The following TIFA variants were observed in gnomAD, a reference collection of about 807,000 sequenced individuals.
TIFA encodes the protein TRAF interacting protein with forkhead associated domain.
For missense variants in TIFA, 186 were observed against 215.2 expected (o/e 0.86, Z 0.85); for synonymous variants, 75 against 79.2 (o/e 0.95, Z 0.28).
intron 1 of TIFA, among the ~76,000 whole-genome samples, chr4:112,282,636 C>T (rs1331991332): frequency 6.6e-6 from 1 of 152,132 alleles, no homozygotes; most frequent in Non-Finnish European, 1.5e-5. Flanking sequence ...AAGCATGTCC[C>T]CACAGAACTC....
Position 112,277,695 on chromosome 4 carries a change from T to TGCCGTATCATTAAAA in TIFA, c.*166_*167insTTTTAATGATACGGC. Reference sequence around the variant, plus strand: ...TCCAGAATACAACAGGTGACTAAGTTAATGACTAACACAATTTACAGACTT... The same window carrying TGCCGTATCATTAAAA: ...TCCAGAATACAACAGGTGACTAAGTTGCCGTATCATTAAAAAATGACTAACACAATTTACAGACTT... On this transcript the variant is annotated 3_prime_UTR_variant, in exon 2 of 2. Coordinates refer to ENST00000361717, the MANE Select transcript of TIFA (RefSeq NM_052864.3). 2.0e-6 allele frequency: 1 copy of TGCCGTATCATTAAAA among 510,814 alleles called. No homozygotes were observed. The highest frequency in any genetic ancestry group is 5.1e-5 in the South Asian group (1 of 19,602). The allele number at this position is 510,814 out of a possible 1,614,324, so 31.6% of individuals were successfully genotyped here.
chr4:112,280,853 A>T (rs1047713634), intron 1 of TIFA, among the ~76,000 whole-genome samples: 2 of 152,218 alleles, frequency 1.3e-5, no homozygotes, highest in African/African-American at 2.4e-5. Context: ...CTACCCAAGC[A>T]GGCCACAGAT....
chr4:112,285,196 C>T (rs1183381237), intron 1 of TIFA, among the ~76,000 whole-genome samples: 13 of 152,050 alleles, frequency 8.5e-5, no homozygotes, highest in Admixed American at 2.6e-4. Flanking sequence ...GGACCAAGGA[C>T]CTCGGCACTC....
rs1258220883 is a variant in TIFA, at chr4:112,285,866, G to A, written c.-245C>T. On this transcript the variant is annotated 5_prime_UTR_variant, in exon 1 of 2. Coordinates refer to ENST00000361717, the MANE Select transcript of TIFA (RefSeq NM_052864.3). ...CGCGCGGCCTGCCTTCCCACTGGCT[G>A]GCAGAGCACGTCCTCTCGCGCCCGG... 2.0e-5 allele frequency: 3 copies of A among 152,298 alleles called. No individual in the cohort carries two copies. Among genetic ancestry groups the A allele is most frequent in the Admixed American group, 6.5e-5 (1 of 15,292 alleles). 9.4% of individuals were successfully genotyped at this position (152,298 alleles called of 1,614,324 possible).
rs562618518 is a variant in TIFA at position 112,275,735 on chromosome 4, A to C, written c.*2127T>G. On this transcript the variant is annotated 3_prime_UTR_variant, in exon 2 of 2. Transcript: ENST00000361717. Reference sequence around the variant, plus strand: ...TTTTTCTGGCCCTAAATATTACTTAACACATTGTTTGGATTCAATAACAAT... The same window carrying C: ...TTTTTCTGGCCCTAAATATTACTTACCACATTGTTTGGATTCAATAACAAT... 5.9e-5 allele frequency: 9 copies of C among 152,338 alleles called. No homozygotes were observed. Among genetic ancestry groups the C allele is most frequent in the African/African-American group, 2.2e-4 (9 of 41,572 alleles). 9.4% of individuals were successfully genotyped at this position (152,338 alleles called of 1,614,324 possible).
In TIFA at chr4:112,277,694, T is replaced by TATCATAAAA; in HGVS notation, c.*167_*168insTTTTATGAT. ...ATCCAGAATACAACAGGTGACTAAGTTAATGACTAACACAATTTACAGACT... is the reference window on the plus strand; with the variant it reads ...ATCCAGAATACAACAGGTGACTAAGTATCATAAAATAATGACTAACACAATTTACAGACT... On this transcript the variant is annotated 3_prime_UTR_variant, in exon 2 of 2. Coordinates refer to ENST00000361717, the MANE Select transcript of TIFA (RefSeq NM_052864.3). 2 of 483,052 alleles carry TATCATAAAA rather than the reference T, an allele frequency of 4.1e-6. No individual in the cohort carries two copies. The highest frequency in any genetic ancestry group is 3.6e-5 in the East Asian group (1 of 27,742). 29.9% of individuals were successfully genotyped at this position (483,052 alleles called of 1,614,324 possible).
chr4:112,282,933 CT>C (rs56725203), intron 1 of TIFA, among the ~76,000 whole-genome samples: 1 of 151,734 alleles, frequency 6.6e-6, no homozygotes, highest in African/African-American at 2.4e-5. Flanking sequence ...TAGGAATTCA[CT>C]TTTTTTTTGT....
chr4:112,280,210 T>C (rs754063988), intron 1 of TIFA, among the ~76,000 whole-genome samples: 3 of 152,138 alleles, frequency 2.0e-5, no homozygotes, highest in Admixed American at 6.5e-5. Flanking sequence ...TTAAGTGAGA[T>C]TGATTTGTAG....
At chr4:112,284,276 C>T (rs1483487932) in intron 1 of TIFA, among the ~76,000 whole-genome samples, 1 of 136,012 alleles carries the variant, frequency 7.4e-6, no homozygotes, top group Non-Finnish European at 1.5e-5. Context: ...CCTCTGCTAC[C>T]CTCCCTGCAA....
chr4:112,285,061 T>G (rs1289989319), intron 1 of TIFA, among the ~76,000 whole-genome samples: 1 of 152,136 alleles, frequency 6.6e-6, no homozygotes, highest in Non-Finnish European at 1.5e-5. Context: ...AGGCTCAGTG[T>G]GGATTTTGGC....
intron 1 of TIFA, among the ~76,000 whole-genome samples, chr4:112,281,274 T>C (rs373245247): frequency 2.0e-5 from 3 of 152,230 alleles, no homozygotes; most frequent in South Asian, 2.1e-4. Flanking sequence ...TGGATCTAAA[T>C]AGTCTTTTGG....
At chr4:112,278,552 A>G (rs1488434835) in intron 1 of TIFA, 118 bp from the exon 2 acceptor site, 18 of 791,064 alleles carry the variant, frequency 2.3e-5, no homozygotes, top group Non-Finnish European at 3.3e-5. Context: ...TTAAGAAAAC[A>G]GTACATAGAC....
chr4:112,278,169 A>T lies in TIFA; in HGVS notation c.248T>A (p.Leu83His), dbSNP rs377395836. 68 of 1,613,632 alleles carry T rather than the reference A, an allele frequency of 4.2e-5. No individual in the cohort carries two copies. Among genetic ancestry groups the T allele is most frequent in the Admixed American group, 3.2e-4 (19 of 59,878 alleles). ...QLFKKFNSSV[L>H]SFEIKNMSKK... is the part of the protein sequence containing the mutation. ...ACTCATATTTTTTATTTCAAAGGAG[A>T]GAACTGAGCTGTTGAATTTTTTAAA... The change falls in exon 2 of 2, where the codon CTC becomes CAC. Residue 83 changes from leucine (L) to histidine (H), a missense_variant. Physicochemically the swap from Leu to His is moderately conservative, Grantham distance 99. Coordinates refer to ENST00000361717, the MANE Select transcript of TIFA (RefSeq NM_052864.3).
intron 1 of TIFA, among the ~76,000 whole-genome samples, chr4:112,284,138 T>G (rs1288493680): frequency 6.6e-6 from 1 of 152,296 alleles, no homozygotes; most frequent in South Asian, 2.1e-4. Context: ...TCAGGATGTA[T>G]ACACTTAACC....
Position 112,277,812 on chromosome 4 carries a change from A to G in TIFA, c.*50T>C, listed in dbSNP as rs774284380. On this transcript the variant is annotated 3_prime_UTR_variant, in exon 2 of 2. Transcript: ENST00000361717. The stretch of plus-strand genomic sequence containing the variant: ...AACTCTTATTTAGTGTCTATACAGC[A>G]TCTACAGAGCTCTTCATCCATCATA... 1 of 1,505,514 alleles carries G rather than the reference A, an allele frequency of 6.6e-7. No homozygotes were observed. Among genetic ancestry groups the G allele is most frequent in the African/African-American group, 1.4e-5 (1 of 71,546 alleles). The allele number at this position is 1,505,514 out of a possible 1,614,324, so 93.3% of individuals were successfully genotyped here. A position where few individuals can be genotyped will look rare whatever the true frequency, so the allele number is the denominator to read the frequency against.
chr4:112,285,393 C>G (rs942551657), intron 1 of TIFA: 2 of 152,176 alleles, frequency 1.3e-5, no homozygotes, highest in Non-Finnish European at 2.9e-5. Context: ...AGAAAACACA[C>G]CCCCATCTCC....
In TIFA at chr4:112,278,241, G is replaced by T; in HGVS notation, c.176C>A (p.Thr59Asn). Residue 59 changes from threonine to asparagine, a missense_variant, in exon 2 of 2, where the codon ACT becomes AAT. Transcript: ENST00000361717. Reference protein sequence around the residue: ...FGRNSNICHYTFQDKQVSRVQ... With the variant: ...FGRNSNICHYNFQDKQVSRVQ... ...TCGGGAAACCTGTTTGTCCTGAAAA[G>T]TATAATGACAGATGTTGGAATTTCG... The T allele has an allele frequency of 6.2e-7, 1 of 1,614,068 alleles. No homozygotes were observed. The highest frequency in any genetic ancestry group is 1.7e-5 in the Admixed American group (1 of 59,984).
chr4:112,278,120 G>C lies in TIFA; in HGVS notation c.297C>G (p.Asp99Glu). Reference sequence around the variant, plus strand: ...TATTTAGGTAGCCCAGCTCTCTGCTGTCCACGATCAGATTGGTCTTTTTAC... The same window carrying C: ...TATTTAGGTAGCCCAGCTCTCTGCTCTCCACGATCAGATTGGTCTTTTTAC... The part of the protein sequence containing the change: ...NMSKKTNLIV[D>E]SRELGYLNKM... The change falls in exon 2 of 2, where the codon GAC (aspartate) becomes GAG (glutamate). Residue 99 changes from aspartate to glutamate, a missense_variant. Coordinates refer to ENST00000361717, the MANE Select transcript of TIFA (RefSeq NM_052864.3). The C allele has an allele frequency of 6.2e-7, 1 of 1,614,010 alleles. No homozygotes were observed. Among genetic ancestry groups the C allele is most frequent in the Non-Finnish European group, 8.5e-7 (1 of 1,180,014 alleles).
Position 112,277,986 on chromosome 4 carries a change from G to A in TIFA, c.431C>T (p.Ser144Phe). 1.2e-6 allele frequency: 2 copies of A among 1,614,020 alleles called. No individual in the cohort carries two copies. Among genetic ancestry groups the A allele is most frequent in the Non-Finnish European group, 1.7e-6 (2 of 1,179,990 alleles). The change falls in exon 2 of 2, where the codon TCT (serine) becomes TTT (phenylalanine). Residue 144 changes from serine to phenylalanine, a missense_variant. Physicochemically the swap from Ser to Phe is radical, Grantham distance 155 (BLOSUM62 -2). Transcript: ENST00000361717. ...GTTTTCTTGCAAGAGTGATCTTGGA[G>A]ATAAAATAAATTGAGTCTCAAAAAA... is the stretch of plus-strand genomic sequence containing the variant. ...LEFFETQFIL[S>F]PRSLLQENNW...
Sources: gnomAD v4.1 joint callset for allele counts (sites outside exome capture counted in the v4.1 genomes callset) on GRCh38, gnomAD v4.1.1 for gene constraint, MANE v1.5 for transcripts, NCBI Gene and HGNC (gene_info 2026-07-23, HGNC 2026-07-21) for gene names.